Variants in TRPM3 observed in about 807,000 individuals in gnomAD.
TRPM3 encodes transient receptor potential cation channel subfamily M member 3, also known as long transient receptor potential channel 3.
In TRPM3, 77 loss-of-function variants were observed where a neutral mutation model predicts 181.2. The observed-to-expected ratio is 0.42, with a 90% CI of 0.35 to 0.51. TRPM3 has a LOEUF of 0.51. TRPM3 is among the 20% of genes least tolerant of loss of function. The pLI is 0.01. For synonymous variants in TRPM3, 745 were observed against 796.4 expected (o/e 0.94, Z 1.09); for missense variants, 1,759 against 2,196.7 (o/e 0.80, Z 3.98).
intron 1 of TRPM3, among the ~76,000 whole-genome samples, chr9:71,263,484 G>T (rs1445801981): frequency 6.6e-6 from 1 of 152,176 alleles, no homozygotes; most frequent in Non-Finnish European, 1.5e-5. Flanking sequence ...CCAACCTTTT[G>T]AGCAGTAGCT....
chr9:70,639,003 A>G, intron 11 of TRPM3, 57 bp downstream of exon 11: 1 of 1,582,162 alleles, frequency 6.3e-7, no homozygotes, highest in Non-Finnish European at 8.6e-7. Flanking sequence ...GGGGGGCAGG[A>G]GAAGGTAAAA....
chr9:71,113,796 G>A lies in TRPM3; in HGVS notation c.177+7382C>T, dbSNP rs142511854. Among the ~76,000 whole-genome samples the A allele has an allele frequency of 2.0e-3, 305 of 152,272 alleles. 1 individual carries two copies. Among genetic ancestry groups the A allele is most frequent in the African/African-American group, 7.0e-3 (292 of 41,550 alleles). The stretch of plus-strand genomic sequence containing the variant: ...AATAAAAATGAGATACTGAGGCCTG[G>A]TCATGCCAGAGCCTAATTTTAATGA... On this transcript the variant is annotated intron_variant, in intron 1 of 25. Transcript: ENST00000677713.
At chr9:70,904,405 C>A (rs892300869) in intron 1 of TRPM3, among the ~76,000 whole-genome samples, 1 of 152,156 alleles carries the variant, frequency 6.6e-6, no homozygotes, top group Non-Finnish European at 1.5e-5. Context: ...TCTGCTTCCA[C>A]TTTCTCTAAT....
intron 1 of TRPM3, among the ~76,000 whole-genome samples, chr9:71,070,623 G>A (rs1026628871): frequency 2.6e-5 from 4 of 152,214 alleles, no homozygotes; most frequent in African/African-American, 9.6e-5. Context: ...TGATACCCAT[G>A]CAAATAAAAA....
chr9:70,894,335 G>A (rs1430098694), intron 1 of TRPM3, among the ~76,000 whole-genome samples: 1 of 152,200 alleles, frequency 6.6e-6, no homozygotes, highest in South Asian at 2.1e-4. Context: ...GCAGAGGTCT[G>A]CTCTAGCCTA....
intron 9 of TRPM3, among the ~76,000 whole-genome samples, chr9:70,656,196 AT>A (rs1247512210): frequency 6.6e-6 from 1 of 152,218 alleles, no homozygotes; most frequent in East Asian, 1.9e-4. Context: ...TTTTATACTA[AT>A]TCCTGCCAAG....
At chr9:71,006,408 T>TA (rs143203808) in intron 1 of TRPM3, among the ~76,000 whole-genome samples, 72 of 147,952 alleles carry the variant, frequency 4.9e-4, no homozygotes, top group South Asian at 3.2e-3. Context: ...CTGAATGGAT[T>TA]AAAAAAAAAA....
At chr9:71,234,545 T>C (rs1289470010) in intron 1 of TRPM3, among the ~76,000 whole-genome samples, 2 of 152,190 alleles carry the variant, frequency 1.3e-5, no homozygotes, top group Non-Finnish European at 2.9e-5. Flanking sequence ...GCAGCATTGG[T>C]TGCTTCTGAA....
chr9:70,969,744 G>A (rs560079160), intron 1 of TRPM3, among the ~76,000 whole-genome samples: 50 of 108,238 alleles, frequency 4.6e-4, no homozygotes, highest in African/African-American at 1.5e-3. Flanking sequence ...TTGTTGTGAA[G>A]ACTGAATGAT....
Position 70,554,070 on chromosome 9 carries a change from GA to G in TRPM3, c.3224-761del, listed in dbSNP as rs149851563. On this transcript the variant is annotated intron_variant, in intron 22 of 25. Coordinates refer to ENST00000677713, the MANE Select transcript of TRPM3 (RefSeq NM_001366145.2). ...CAGTGGATAAATGGGCAAATGGGGG[GA>G]AAAAAAAAGCCTGGAGGTGGGGGTG... is the stretch of plus-strand genomic sequence containing the variant. Among the ~76,000 whole-genome samples the G allele has an allele frequency of 5.2e-3, 754 of 145,918 alleles. 26 individuals carry two copies. In the East Asian group the frequency reaches 0.099, roughly 19 times the overall value.
chr9:70,652,232 C>T (rs28705070), intron 9 of TRPM3, among the ~76,000 whole-genome samples: 4,555 of 151,886 alleles, frequency 0.03, 81 homozygotes, highest in Non-Finnish European at 0.041. Flanking sequence ...AAGATGATTA[C>T]TTTGTTTATA....
At chr9:70,963,938 A>G (rs543382736) in intron 1 of TRPM3, among the ~76,000 whole-genome samples, 1 of 152,172 alleles carries the variant, frequency 6.6e-6, no homozygotes, top group East Asian at 1.9e-4. Context: ...CCACCTTTAT[A>G]TTTTTCTCTT....
intron 1 of TRPM3, among the ~76,000 whole-genome samples, chr9:71,222,650 G>C (rs536105649): frequency 5.8e-4 from 89 of 152,322 alleles, no homozygotes; most frequent in African/African-American, 2.1e-3. Context: ...CACTGAAAGA[G>C]GGACTGAAGA....
rs1339698170 is a variant in TRPM3, at chr9:70,841,661, T to TATATATATATATATGA, written c.801+1341_801+1342insTCATATATATATATAT. On this transcript the variant is annotated intron_variant, in intron 5 of 25. Coordinates refer to ENST00000677713, the MANE Select transcript of TRPM3 (RefSeq NM_001366145.2). ...ATATATATATATATATATATATATA[T>TATATATATATATATGA]CCCACCATATATATGTATATATAGA... Among the ~76,000 whole-genome samples, 76 of 86,076 alleles carry TATATATATATATATGA rather than the reference T, an allele frequency of 8.8e-4. 2 individuals carry two copies. The highest frequency in any genetic ancestry group is 3.5e-3 in the African/African-American group (73 of 21,044). The allele number at this position is 86,076 out of a possible 152,430, so 56.5% of individuals were successfully genotyped here. A position where few individuals can be genotyped will look rare whatever the true frequency, so the allele number is the denominator to read the frequency against.
chr9:71,063,749 A>C (rs1043453466), intron 1 of TRPM3, among the ~76,000 whole-genome samples: 19 of 152,124 alleles, frequency 1.2e-4, no homozygotes, highest in African/African-American at 4.6e-4. Context: ...AACACCTGAG[A>C]ATGCAGTATA....
At chr9:70,620,656 C>T (rs1249743306) in intron 15 of TRPM3, among the ~76,000 whole-genome samples, 1 of 152,090 alleles carries the variant, frequency 6.6e-6, no homozygotes, top group Non-Finnish European at 1.5e-5. Flanking sequence ...TTTATTTCTT[C>T]AAAAGGTAAT....
intron 1 of TRPM3, among the ~76,000 whole-genome samples, chr9:70,887,095 A>T (rs749704918): frequency 1.3e-5 from 2 of 152,224 alleles, no homozygotes; most frequent in Non-Finnish European, 2.9e-5. Context: ...GTTTACCAAT[A>T]TAAACAACCT....
intron 1 of TRPM3, among the ~76,000 whole-genome samples, chr9:71,255,536 A>T (rs1467287097): frequency 1.3e-5 from 2 of 152,188 alleles, no homozygotes; most frequent in African/African-American, 4.8e-5. Flanking sequence ...CTTAGTATAA[A>T]AGACATAATG....
At chr9:71,111,131 G>A (rs892020649) in intron 1 of TRPM3, among the ~76,000 whole-genome samples, 1 of 152,090 alleles carries the variant, frequency 6.6e-6, no homozygotes, top group African/African-American at 2.4e-5. Context: ...GGTTACATTC[G>A]ATTTTCTTAC....
Sources: gnomAD v4.1 joint callset for allele counts (sites outside exome capture counted in the v4.1 genomes callset) on GRCh38, gnomAD v4.1.1 for gene constraint, MANE v1.5 for transcripts, NCBI Gene and HGNC (gene_info 2026-07-23, HGNC 2026-07-21) for gene names.